The following ARHGAP6 variants were observed in gnomAD, a reference collection of about 807,000 sequenced individuals.
The protein encoded by ARHGAP6 is Rho GTPase activating protein 6, also known as rho GTPase-activating protein 6.
ARHGAP6 carries 16 observed loss-of-function variants against 55.7 expected under a neutral mutation model. That is an observed-to-expected ratio of 0.29 (90% confidence interval 0.19 to 0.44). The LOEUF (loss-of-function observed/expected upper bound fraction) is 0.44, where lower values mean the gene tolerates loss of function less well. ARHGAP6 is among the 20% of genes least tolerant of loss of function. The pLI, the probability that ARHGAP6 is intolerant of heterozygous loss-of-function variation, is 1.00. For synonymous variants in ARHGAP6, 382 were observed against 360.9 expected, an observed-to-expected ratio of 1.06 and a Z score of -0.66; for missense variants, 698 against 808.9, an observed-to-expected ratio of 0.86 and a Z score of 1.66.
At chrX:11,514,358 A>G (rs1219286782) in intron 1 of ARHGAP6, among the ~76,000 whole-genome samples, 1 of 110,049 alleles carries the variant, frequency 9.1e-6, no homozygotes, top group East Asian at 2.9e-4. Flanking sequence ...CAATTAGCCT[A>G]TAGCAGAATT....
intron 1 of ARHGAP6, among the ~76,000 whole-genome samples, chrX:11,468,275 AAATGAAACTCAACG>A (rs1182238281): frequency 8.9e-6 from 1 of 112,385 alleles, no homozygotes; most frequent in African/African-American, 3.2e-5. Context: ...AATGAAACAA[AAATGAAACTCAACG>A]AACAGTTTCA....
chrX:11,558,836 C>CA (rs58936931), intron 1 of ARHGAP6, among the ~76,000 whole-genome samples: 2,223 of 29,943 alleles, frequency 0.074, 292 homozygotes, highest in Non-Finnish European at 0.098. Context: ...GATTCCATCT[C>CA]AAAAAAAAAA....
At chrX:11,417,059 C>CAT (rs768174897) in intron 1 of ARHGAP6, among the ~76,000 whole-genome samples, 868 of 33,165 alleles carry the variant, frequency 0.026, 46 homozygotes, top group Middle Eastern at 0.071. Flanking sequence ...TGGGTGTGTA[C>CAT]ATATATATAT....
intron 1 of ARHGAP6, chrX:11,290,489 G>GAA (rs757909493): frequency 1.9e-5 from 3 of 160,818 alleles, no homozygotes; most frequent in East Asian, 1.5e-4. Context: ...CTCTACCCCA[G>GAA]CAAAAAAAAA....
At chrX:11,194,507 G>A (rs772370639) in intron 3 of ARHGAP6, among the ~76,000 whole-genome samples, 128 of 112,025 alleles carry the variant, frequency 1.1e-3, no homozygotes, top group Middle Eastern at 4.6e-3. Context: ...GTGTAGTCAG[G>A]GGTGCGGATC....
At chrX:11,444,875 CT>C (rs1436743706) in intron 1 of ARHGAP6, among the ~76,000 whole-genome samples, 2 of 112,009 alleles carry the variant, frequency 1.8e-5, no homozygotes, top group African/African-American at 6.5e-5. Flanking sequence ...GGGGAACAAT[CT>C]TTTTTCCCCT....
At chrX:11,183,336 C>T (rs5979379) in intron 5 of ARHGAP6, among the ~76,000 whole-genome samples, 29,537 of 111,005 alleles carry the variant, frequency 0.27, 3,173 homozygotes, top group African/African-American at 0.4. Flanking sequence ...TATTTTTCTA[C>T]TATAAATGAC....
chrX:11,590,869 G>GAAAAGAAAAGAAGGAAAGAAAGAAAGAAA (rs2051813205), intron 1 of ARHGAP6, among the ~76,000 whole-genome samples: 1 of 24,216 alleles, frequency 4.1e-5, no homozygotes, highest in Non-Finnish European at 6.7e-5. Context: ...AAGAAAAGAA[G>GAAAAGAAAAGAAGGAAAGAAAGAAAGAAA]GAAAGAAAGA....
At chrX:11,336,739 G>A (rs1182346226) in intron 1 of ARHGAP6, among the ~76,000 whole-genome samples, 1 of 111,574 alleles carries the variant, frequency 9.0e-6, no homozygotes, top group Non-Finnish European at 1.9e-5. Context: ...AGAGATTTGG[G>A]AAAGAATTTG....
At chrX:11,179,760 G>GTA (rs2046288864) in intron 6 of ARHGAP6, among the ~76,000 whole-genome samples, 1 of 86,075 alleles carries the variant, frequency 1.2e-5, no homozygotes, top group Non-Finnish European at 2.2e-5. Context: ...ATATGTATAT[G>GTA]TATACATATA....
chrX:11,458,403 T>C (rs536749046), intron 1 of ARHGAP6, among the ~76,000 whole-genome samples: 1 of 112,372 alleles, frequency 8.9e-6, no homozygotes, highest in East Asian at 2.8e-4. Flanking sequence ...CCAGTGCATG[T>C]AAACACACAA....
At chrX:11,252,915 C>A (rs1440642462) in intron 2 of ARHGAP6, among the ~76,000 whole-genome samples, 1 of 111,941 alleles carries the variant, frequency 8.9e-6, no homozygotes, top group Non-Finnish European at 1.9e-5. Flanking sequence ...AGAGGCAAGT[C>A]GCCCAAGCTC....
intron 1 of ARHGAP6, among the ~76,000 whole-genome samples, chrX:11,404,223 CT>C (rs903949403): frequency 8.1e-5 from 9 of 111,281 alleles, no homozygotes; most frequent in South Asian, 3.8e-4. Flanking sequence ...TCTTGTCCCC[CT>C]ACCATTGCAA....
Position 11,400,105 on chromosome X carries a change from A to G in ARHGAP6, c.589-145398T>C, listed in dbSNP as rs986342937. 2.7e-5 allele frequency among the ~76,000 whole-genome samples: 3 copies of G among 112,229 alleles called. No homozygotes were observed. The South Asian group carries it at 1.1e-3, about 42-fold the overall frequency. On this transcript the variant is annotated intron_variant, in intron 1 of 12. Coordinates refer to ENST00000337414, the MANE Select transcript of ARHGAP6 (RefSeq NM_013427.3). ...GGGGTGGTTGGCTGCTAATGAATGC[A>G]GCAATTCTTTATGAGGTGATCAGGA...
chrX:11,655,263 T>C (rs1376588114), intron 1 of ARHGAP6, among the ~76,000 whole-genome samples: 1 of 112,427 alleles, frequency 8.9e-6, no homozygotes, highest in Admixed American at 9.4e-5. Flanking sequence ...ATTAATCACA[T>C]TTTGTTTAAC....
At chrX:11,174,421 AT>A (rs2046138896) in intron 8 of ARHGAP6, among the ~76,000 whole-genome samples, 1 of 111,228 alleles carries the variant, frequency 9.0e-6, no homozygotes, top group Admixed American at 9.5e-5. Flanking sequence ...GAGGCCAGTC[AT>A]TAGAAAATTT....
intron 1 of ARHGAP6, among the ~76,000 whole-genome samples, chrX:11,331,926 C>T (rs992747513): frequency 4.5e-5 from 5 of 111,724 alleles, no homozygotes; most frequent in African/African-American, 1.6e-4. Flanking sequence ...ACATAACTGG[C>T]TATGCTTACT....
intron 1 of ARHGAP6, among the ~76,000 whole-genome samples, chrX:11,599,592 C>G (rs746607105): frequency 9.0e-6 from 1 of 111,461 alleles, no homozygotes; most frequent in Non-Finnish European, 1.9e-5. Flanking sequence ...TCACAGAAGC[C>G]GAGAGAAGAA....
intron 10 of ARHGAP6, among the ~76,000 whole-genome samples, chrX:11,154,046 G>A (rs1169754110): frequency 9.2e-6 from 1 of 109,230 alleles, no homozygotes; most frequent in Non-Finnish European, 1.9e-5. Context: ...TCCCACCTAT[G>A]AGTGAGAACA....
Sources: allele counts gnomAD v4.1 joint callset (sites outside exome capture counted in the v4.1 genomes callset), GRCh38; gene constraint gnomAD v4.1.1; transcripts MANE v1.5; gene names NCBI Gene and HGNC (gene_info 2026-07-23, HGNC 2026-07-21).